LDLRAD4: variants seen among roughly 807,000 people sequenced by gnomAD.
LDLRAD4 encodes low-density lipoprotein receptor class A domain-containing protein 4.
LDLRAD4 carries 5 observed loss-of-function variants against 17.0 expected under a neutral mutation model. That is an observed-to-expected ratio of 0.29 (90% CI 0.15 to 0.62). The LOEUF (loss-of-function observed/expected upper bound fraction) is 0.62, where lower values mean the gene tolerates loss of function less well. Ranked by LOEUF, LDLRAD4 falls within the 20% of genes least tolerant of loss-of-function variation. The pLI is 0.84. For synonymous variants in LDLRAD4, 168 were observed against 171.8 expected, an observed-to-expected ratio of 0.98 and a Z score of 0.17; for missense variants, 340 against 424.7, an observed-to-expected ratio of 0.80 and a Z score of 1.75.
At chr18:13,630,295 G>C (rs766767926) in intron 4 of LDLRAD4, among the ~76,000 whole-genome samples, 4 of 152,312 alleles carry the variant, frequency 2.6e-5, no homozygotes, top group South Asian at 4.1e-4. Flanking sequence ...GGAAGAAAGG[G>C]GGAGGTGCAG....
intron 1 of LDLRAD4, among the ~76,000 whole-genome samples, chr18:13,246,353 G>C (rs1567928749): frequency 6.6e-6 from 1 of 152,212 alleles, no homozygotes; most frequent in Non-Finnish European, 1.5e-5. Flanking sequence ...TGTGCATTCT[G>C]GTGCATTTCT....
chr18:13,393,746 G>C (rs548132232), intron 2 of LDLRAD4, among the ~76,000 whole-genome samples: 1 of 152,150 alleles, frequency 6.6e-6, no homozygotes, highest in Non-Finnish European at 1.5e-5. Flanking sequence ...TTCATAACAG[G>C]AGTCCAGGCA....
At chr18:13,475,427 A>ATTTTTTT (rs35255496) in intron 3 of LDLRAD4, among the ~76,000 whole-genome samples, 1 of 131,162 alleles carries the variant, frequency 7.6e-6, no homozygotes, top group Non-Finnish European at 1.6e-5. Context: ...CACCCCGCTG[A>ATTTTTTT]TTTTTTTTTT....
chr18:13,262,482 G>T (rs2043923208), intron 1 of LDLRAD4, among the ~76,000 whole-genome samples: 1 of 135,014 alleles, frequency 7.4e-6, no homozygotes, highest in Non-Finnish European at 1.6e-5. Context: ...GCTGAGTCCC[G>T]TGCGGCCCTG....
At chr18:13,529,551 A>G (rs1403833554) in intron 3 of LDLRAD4, among the ~76,000 whole-genome samples, 1 of 152,248 alleles carries the variant, frequency 6.6e-6, no homozygotes, top group Non-Finnish European at 1.5e-5. Context: ...AGACCCAAGT[A>G]AATAATACAT....
chr18:13,544,217 C>T (rs754992497), intron 3 of LDLRAD4, among the ~76,000 whole-genome samples: 5 of 152,250 alleles, frequency 3.3e-5, no homozygotes, highest in East Asian at 1.9e-4. Context: ...GCTCTGCCTC[C>T]GGGCTGTTTT....
At position 13,439,031 on chromosome 18, in the gene LDLRAD4, T is replaced by C. The variant is rs1251532309; in HGVS notation, c.181+647T>C. On this transcript the variant is annotated intron_variant, in intron 3 of 5. Transcript: ENST00000359446. ...AGGAAAAGTGGCTTACTGTTTTCTG[T>C]GTTTCTCTGGGCTAAGTGAAGGGGG... Among the ~76,000 whole-genome samples, 3 of 152,336 alleles carry C rather than the reference T, an allele frequency of 2.0e-5. No homozygotes were observed. In the East Asian group the frequency reaches 5.8e-4, roughly 29 times the overall value.
At chr18:13,384,515 T>C (rs1277133677) in intron 1 of LDLRAD4, among the ~76,000 whole-genome samples, 1 of 152,242 alleles carries the variant, frequency 6.6e-6, no homozygotes, top group African/African-American at 2.4e-5. Flanking sequence ...CTAAAACGTA[T>C]TCCTCCAGTC....
chr18:13,310,359 A>T (rs1013544342), intron 1 of LDLRAD4, among the ~76,000 whole-genome samples: 1 of 151,650 alleles, frequency 6.6e-6, no homozygotes, highest in African/African-American at 2.4e-5. Flanking sequence ...TGTCTCTTAA[A>T]AAAAAAAAAG....
chr18:13,516,525 G>A (rs1028271351), intron 3 of LDLRAD4, among the ~76,000 whole-genome samples: 3 of 152,328 alleles, frequency 2.0e-5, no homozygotes, highest in Non-Finnish European at 2.9e-5. Flanking sequence ...CTTCACAAAT[G>A]TGTGTACATC....
chr18:13,339,471 C>G (rs924382352), intron 1 of LDLRAD4, among the ~76,000 whole-genome samples: 2 of 152,012 alleles, frequency 1.3e-5, no homozygotes, highest in Non-Finnish European at 2.9e-5. Context: ...AAAGTGCTGG[C>G]ATTACAGGCA....
At chr18:13,413,794 G>C (rs1267483363) in intron 2 of LDLRAD4, among the ~76,000 whole-genome samples, 1 of 152,094 alleles carries the variant, frequency 6.6e-6, no homozygotes, top group Non-Finnish European at 1.5e-5. Flanking sequence ...GGCTGGGCGG[G>C]GTGGCACACG....
chr18:13,623,636 C>T (rs1055452484), intron 4 of LDLRAD4, among the ~76,000 whole-genome samples: 1 of 152,244 alleles, frequency 6.6e-6, no homozygotes, highest in Non-Finnish European at 1.5e-5. Flanking sequence ...GCTCCACTTC[C>T]CGATCTGGTG....
chr18:13,305,314 A>T (rs1168444108), intron 1 of LDLRAD4, among the ~76,000 whole-genome samples: 1 of 152,226 alleles, frequency 6.6e-6, no homozygotes, highest in Non-Finnish European at 1.5e-5. Flanking sequence ...TTAAATCATA[A>T]CTGCATAAAA....
At chr18:13,397,049 A>G (rs1386718307) in intron 2 of LDLRAD4, among the ~76,000 whole-genome samples, 2 of 152,220 alleles carry the variant, frequency 1.3e-5, no homozygotes. Context: ...ATTTCACACG[A>G]GGGTTCTGTC....
At chr18:13,513,902 TG>T (rs1600994463) in intron 3 of LDLRAD4, among the ~76,000 whole-genome samples, 1 of 152,210 alleles carries the variant, frequency 6.6e-6, no homozygotes, top group Non-Finnish European at 1.5e-5. Flanking sequence ...ATAGACATCC[TG>T]AGAATTTTCA....
intron 4 of LDLRAD4, 117 bp from the exon 6 acceptor site, chr18:13,643,242 C>A (rs2042758511): frequency 6.1e-6 from 4 of 655,874 alleles, no homozygotes; most frequent in Non-Finnish European, 1.0e-5. Flanking sequence ...CCTCGCTCCA[C>A]GTTTTATGCA....
At chr18:13,609,308 A>G (rs1488024885) in intron 3 of LDLRAD4, among the ~76,000 whole-genome samples, 3 of 152,226 alleles carry the variant, frequency 2.0e-5, no homozygotes, top group Non-Finnish European at 4.4e-5. Context: ...ACCCTGAGTC[A>G]CGACTTGACC....
chr18:13,551,654 AGGAG>A (rs2094436201), intron 3 of LDLRAD4, among the ~76,000 whole-genome samples: 1 of 152,088 alleles, frequency 6.6e-6, no homozygotes, highest in Non-Finnish European at 1.5e-5. Context: ...ACAGGGACAG[AGGAG>A]GGTCCTCTGC....
Sources: allele counts gnomAD v4.1 joint callset (sites outside exome capture counted in the v4.1 genomes callset), GRCh38; gene constraint gnomAD v4.1.1; transcripts MANE v1.5; gene names NCBI Gene and HGNC (gene_info 2026-07-23, HGNC 2026-07-21).